FAM83B: variants seen among roughly 807,000 people sequenced by gnomAD.
The protein encoded by FAM83B is protein FAM83B.
In FAM83B, 26 loss-of-function variants were observed where a neutral mutation model predicts 38.8. That is an observed-to-expected ratio of 0.67 (90% CI 0.49 to 0.93). The LOEUF (loss-of-function observed/expected upper bound fraction) is 0.93. FAM83B is among the 40% of genes least tolerant of loss of function. The probability of loss-of-function intolerance (pLI) is 0.00; values close to 1 mark genes in which losing one functional copy is unlikely to be tolerated. For missense variants in FAM83B, 1,237 were observed against 1,197.3 expected (o/e 1.03, Z -0.49); for synonymous variants, 419 against 423.1 (o/e 0.99, Z 0.12).
At chr6:54,930,085 C>T (rs1163171136) in intron 4 of FAM83B, among the ~76,000 whole-genome samples, 1 of 151,936 alleles carries the variant, frequency 6.6e-6, no homozygotes, top group African/African-American at 2.4e-5. Flanking sequence ...ATTGTATTTA[C>T]TACCTACTAT....
At chr6:54,902,602 T>A (rs994006530) in intron 2 of FAM83B, among the ~76,000 whole-genome samples, 1 of 152,150 alleles carries the variant, frequency 6.6e-6, no homozygotes, top group Non-Finnish European at 1.5e-5. Context: ...GTTTTTGACA[T>A]TTTTCTACAT....
chr6:54,931,648 G>T (rs1226120097), intron 4 of FAM83B, among the ~76,000 whole-genome samples: 1 of 151,654 alleles, frequency 6.6e-6, no homozygotes, highest in Non-Finnish European at 1.5e-5. Context: ...CATTTGCATG[G>T]TGTATCTTTT....
chr6:54,856,517 C>T (rs916436139), intron 1 of FAM83B, among the ~76,000 whole-genome samples: 2 of 152,140 alleles, frequency 1.3e-5, no homozygotes, highest in Non-Finnish European at 2.9e-5. Flanking sequence ...TCATATGTAA[C>T]CCACAAGTCC....
At chr6:54,911,242 A>T (rs1157577635) in intron 2 of FAM83B, among the ~76,000 whole-genome samples, 1 of 151,326 alleles carries the variant, frequency 6.6e-6, no homozygotes, top group Non-Finnish European at 1.5e-5. Context: ...TTGTTTTTTG[A>T]TACAGATGTT....
At chr6:54,876,278 C>CATATATATATATAT (rs3996949) in intron 2 of FAM83B, among the ~76,000 whole-genome samples, 1 of 96,198 alleles carries the variant, frequency 1.0e-5, no homozygotes, top group Non-Finnish European at 2.0e-5. Context: ...TTTAGGAGTG[C>CATATATATATATAT]ATATATATAT....
At chr6:54,869,472 G>C (rs1221239944) in intron 1 of FAM83B, among the ~76,000 whole-genome samples, 1 of 151,912 alleles carries the variant, frequency 6.6e-6, no homozygotes, top group Non-Finnish European at 1.5e-5. Flanking sequence ...CAGCATGCCA[G>C]GTTTTTTTTT....
chr6:54,873,652 C>T (rs1581892450), intron 2 of FAM83B, among the ~76,000 whole-genome samples: 1 of 146,244 alleles, frequency 6.8e-6, no homozygotes, highest in African/African-American at 2.5e-5. Context: ...CTTTTTTTTT[C>T]ATAAAGTATT....
Position 54,846,797 on chromosome 6 carries a change from G to T in FAM83B, c.-90G>T, listed in dbSNP as rs1165137294. ...AACCTTCGGCGGCCGGCGCTGTGCG[G>T]CGGGCGCGGTTGCGCGCGGCTTGGG... On this transcript the variant is annotated 5_prime_UTR_variant, in exon 1 of 5. Transcript: ENST00000306858. 1 of 152,318 alleles carries T rather than the reference G, an allele frequency of 6.6e-6. No individual in the cohort carries two copies. The highest frequency in any genetic ancestry group is 2.4e-5 in the African/African-American group (1 of 41,464). The allele number at this position is 152,318 out of a possible 1,614,324, so 9.4% of individuals were successfully genotyped here.
In FAM83B at chr6:54,870,594, AG is replaced by A; in HGVS notation, c.353del (p.Gly118AlafsTer4). On this transcript the variant is annotated frameshift_variant, in exon 2 of 5. Transcript: ENST00000306858. LOFTEE classifies it high-confidence loss of function. ...GGCCATATGTGATGCCCGGACTCTT[AG>A]GGGGCACCCATATAGATCTCCTTTT... Reference protein sequence around the residue: ...GWPYVMPGLLGGTHIDLLFHP... With the variant: ...GWPYVMPGLLXGTHIDLLFHP... 1 of 1,614,052 alleles carries A rather than the reference AG, an allele frequency of 6.2e-7. No homozygotes were observed. Among genetic ancestry groups the A allele is most frequent in the Non-Finnish European group, 8.5e-7 (1 of 1,179,970 alleles).
At position 54,939,932 on chromosome 6, in the gene FAM83B, A is replaced by G. The variant is rs940673881; in HGVS notation, c.961A>G (p.Asn321Asp). 4.3e-6 allele frequency: 7 copies of G among 1,613,974 alleles called. No homozygotes were observed. The highest frequency in any genetic ancestry group is 5.1e-6 in the Non-Finnish European group (6 of 1,179,998). ...ATTAGCATCTGTTTCCAGCCAGAGA[A>G]ACCTTTTTGGTAGACAAGACAAGAT... ...SSLASVSSQR[N>D]LFGRQDKIHK... The change falls in exon 5 of 5, where the codon AAC becomes GAC. Residue 321 changes from asparagine to aspartate, a missense_variant. Coordinates refer to ENST00000306858, the MANE Select transcript of FAM83B (RefSeq NM_001010872.3).
intron 2 of FAM83B, among the ~76,000 whole-genome samples, chr6:54,914,187 T>C (rs1772983292): frequency 6.6e-6 from 1 of 152,140 alleles, no homozygotes; most frequent in South Asian, 2.1e-4. Flanking sequence ...AAACGTAAGA[T>C]ACCAATGGGT....
intron 2 of FAM83B, among the ~76,000 whole-genome samples, chr6:54,886,886 T>G (rs1337187561): frequency 6.6e-6 from 1 of 151,928 alleles, no homozygotes; most frequent in African/African-American, 2.4e-5. Flanking sequence ...TCTTATGAGA[T>G]TCAATATTTA....
In FAM83B at chr6:54,940,838, G is replaced by C; in HGVS notation, c.1867G>C (p.Ala623Pro). ...TLQVPENHSV[A>P]LNQTTNGHTE... Reference sequence around the variant, plus strand: ...GCAGGTTCCTGAAAACCACTCAGTAGCCTTAAACCAAACTACAAATGGCCA... The same window carrying C: ...GCAGGTTCCTGAAAACCACTCAGTACCCTTAAACCAAACTACAAATGGCCA... Residue 623 changes from alanine to proline, a missense_variant, in exon 5 of 5, where the codon GCC becomes CCC. By Grantham distance (27) the Ala-to-Pro change is conservative. Coordinates refer to ENST00000306858, the MANE Select transcript of FAM83B (RefSeq NM_001010872.3). 6.2e-7 allele frequency: 1 copy of C among 1,613,986 alleles called. No homozygotes were observed. The highest frequency in any genetic ancestry group is 8.5e-7 in the Non-Finnish European group (1 of 1,179,998).
chr6:54,941,847 A>C lies in FAM83B; in HGVS notation c.2876A>C (p.Asn959Thr). Residue 959 changes from asparagine to threonine, a missense_variant, in exon 5 of 5, where the codon AAT (asparagine) becomes ACT (threonine). Transcript: ENST00000306858. ...PTSNMPNTSINRPEIKSATMG... is the reference protein window; with the variant it reads ...PTSNMPNTSITRPEIKSATMG... ...AGCAACATGCCAAATACCAGTATAA[A>C]TCGCCCAGAAATAAAATCTGCGACT... 1 of 1,614,106 alleles carries C rather than the reference A, an allele frequency of 6.2e-7. No homozygotes were observed. Among genetic ancestry groups the C allele is most frequent in the Non-Finnish European group, 8.5e-7 (1 of 1,180,006 alleles).
At chr6:54,916,184 A>G (rs1426812492) in intron 2 of FAM83B, among the ~76,000 whole-genome samples, 4 of 152,084 alleles carry the variant, frequency 2.6e-5, no homozygotes, top group Non-Finnish European at 2.9e-5. Flanking sequence ...GCACTATTTT[A>G]CAATTTTCCT....
intron 2 of FAM83B, among the ~76,000 whole-genome samples, chr6:54,887,895 C>T (rs181155): frequency 0.65 from 97,842 of 151,448 alleles, 33,532 homozygotes; most frequent in East Asian, 0.89. Flanking sequence ...ATAAACAGTG[C>T]ATAGTTATAT....
intron 2 of FAM83B, among the ~76,000 whole-genome samples, chr6:54,902,892 G>C (rs1396467516): frequency 1.3e-5 from 2 of 152,104 alleles, no homozygotes; most frequent in African/African-American, 4.8e-5. Flanking sequence ...TTTGTTCAGA[G>C]TAATTGAACC....
At chr6:54,866,506 G>T (rs376352546) in intron 1 of FAM83B, among the ~76,000 whole-genome samples, 1 of 152,068 alleles carries the variant, frequency 6.6e-6, no homozygotes. Context: ...TAAGAGTGCA[G>T]CATCTAACCA....
chr6:54,854,727 C>T (rs573162695), intron 1 of FAM83B, among the ~76,000 whole-genome samples: 1 of 152,170 alleles, frequency 6.6e-6, no homozygotes, highest in Non-Finnish European at 1.5e-5. Context: ...ATTGTGGTGT[C>T]TGGAACCCAA....
Sources: allele counts gnomAD v4.1 joint callset (sites outside exome capture counted in the v4.1 genomes callset), GRCh38; gene constraint gnomAD v4.1.1; transcripts MANE v1.5; gene names NCBI Gene and HGNC (gene_info 2026-07-23, HGNC 2026-07-21).